Variants in CFAP77 observed in about 807,000 individuals in gnomAD.
CFAP77 encodes the protein cilia- and flagella-associated protein 77.
In CFAP77, 25 loss-of-function variants were observed where a neutral mutation model predicts 31.1. That is an observed-to-expected ratio of 0.80 (90% CI 0.59 to 1.12). The LOEUF (loss-of-function observed/expected upper bound fraction) is 1.12, where lower values mean the gene tolerates loss of function less well. Among genes scored for constraint, CFAP77 ranks in the 50% most tolerant of loss-of-function variants. CFAP77 has a pLI of 0.00. For synonymous variants in CFAP77, 151 were observed against 159.9 expected, an observed-to-expected ratio of 0.94 and a Z score of 0.42; for missense variants, 377 against 397.3, an observed-to-expected ratio of 0.95 and a Z score of 0.44.
At chr9:132,468,495 C>G (rs1327017473) in intron 1 of CFAP77, among the ~76,000 whole-genome samples, 2 of 152,164 alleles carry the variant, frequency 1.3e-5, no homozygotes, top group Non-Finnish European at 2.9e-5. Flanking sequence ...TGCCCTGGGC[C>G]CACCTCGTAC....
intron 1 of CFAP77, among the ~76,000 whole-genome samples, chr9:132,416,099 C>T (rs988428297): frequency 2.0e-5 from 3 of 151,922 alleles, no homozygotes; most frequent in Non-Finnish European, 4.4e-5. Flanking sequence ...TTGGGCTGAG[C>T]GAATCCCTTG....
intron 1 of CFAP77, among the ~76,000 whole-genome samples, chr9:132,482,103 TCA>T (rs1035152523): frequency 4.6e-5 from 7 of 152,122 alleles, no homozygotes; most frequent in African/African-American, 1.4e-4. Flanking sequence ...TTAAAACAGT[TCA>T]GTTTTCCTTT....
Position 132,451,430 on chromosome 9 carries a change from A to G in CFAP77, c.195+40964A>G, listed in dbSNP as rs184245596. ...GTCTTTTAGCGCTGGTGGTTTTAAC[A>G]CTCAAGTGAGGGCCCGGAAGGCCCA... On this transcript the variant is annotated intron_variant, in intron 1 of 5. Coordinates refer to ENST00000393216, the MANE Select transcript of CFAP77 (RefSeq NM_001282957.2). Among the ~76,000 whole-genome samples the G allele has an allele frequency of 2.8e-3, 430 of 152,062 alleles. 6 individuals are homozygous for G. The highest frequency in any genetic ancestry group is 5.4e-3 in the African/African-American group (222 of 41,476).
In CFAP77 at chr9:132,497,100, C is replaced by T. The variant is rs566547196; in HGVS notation, c.196-1595C>T. Among the ~76,000 whole-genome samples the T allele has an allele frequency of 6.7e-6, 1 of 149,294 alleles. No individual in the cohort carries two copies. The highest frequency in any genetic ancestry group is 2.5e-5 in the African/African-American group (1 of 39,550). On this transcript the variant is annotated intron_variant, in intron 1 of 5. Transcript: ENST00000393216. The surrounding 1 kb of genome is among the most constrained non-coding windows in gnomAD (Gnocchi z 4.9). ...GCAATGGAGGTGGCTGGGATGCCTGCGATCCTTCAGATGAGGGGGAGTGGG... is the reference window on the plus strand; with the variant it reads ...GCAATGGAGGTGGCTGGGATGCCTGTGATCCTTCAGATGAGGGGGAGTGGG...
intron 1 of CFAP77, among the ~76,000 whole-genome samples, chr9:132,432,414 G>A (rs1033734626): frequency 3.9e-5 from 6 of 152,102 alleles, no homozygotes; most frequent in African/African-American, 1.2e-4. Context: ...AGCCAGACCC[G>A]TCCATAGATT....
At chr9:132,441,867 G>A (rs1035928687) in intron 1 of CFAP77, among the ~76,000 whole-genome samples, 3 of 152,204 alleles carry the variant, frequency 2.0e-5, no homozygotes, top group Non-Finnish European at 4.4e-5. Flanking sequence ...TGCTGGAGAC[G>A]CAGAGTCTCA....
intron 1 of CFAP77, among the ~76,000 whole-genome samples, chr9:132,491,506 G>A (rs977829019): frequency 3.3e-5 from 5 of 152,172 alleles, no homozygotes; most frequent in East Asian, 3.9e-4. Flanking sequence ...TTATACAAAC[G>A]CACGACTGTG....
chr9:132,465,759 C>T (rs1449104762), intron 1 of CFAP77, among the ~76,000 whole-genome samples: 2 of 152,206 alleles, frequency 1.3e-5, no homozygotes, highest in African/African-American at 4.8e-5. Context: ...CCAAACTCTG[C>T]CTGAGTCCTC....
chr9:132,444,252 G>A (rs1850666703), intron 1 of CFAP77, among the ~76,000 whole-genome samples: 1 of 152,264 alleles, frequency 6.6e-6, no homozygotes, highest in Non-Finnish European at 1.5e-5. Flanking sequence ...AAGGCGCTCA[G>A]ATGGGGTTTT....
chr9:132,520,077 C>T (rs1347474677), intron 3 of CFAP77, among the ~76,000 whole-genome samples: 2 of 148,498 alleles, frequency 1.3e-5, no homozygotes, highest in Non-Finnish European at 3.0e-5. Flanking sequence ...TGTACCATTC[C>T]CCCTCCCCCA....
chr9:132,411,015 A>C (rs1849986349), intron 1 of CFAP77, among the ~76,000 whole-genome samples: 1 of 152,230 alleles, frequency 6.6e-6, no homozygotes, highest in Admixed American at 6.5e-5. Flanking sequence ...GAAAAAAAGC[A>C]TAATCTTTGG....
At chr9:132,458,357 G>GGAGGGT (rs139008147) in intron 1 of CFAP77, among the ~76,000 whole-genome samples, 5 of 119,044 alleles carry the variant, frequency 4.2e-5, no homozygotes, top group African/African-American at 1.3e-4. Context: ...GAGGGGGGGG[G>GGAGGGT]GTGTGTATGG....
rs968868053 is a variant in CFAP77, at chr9:132,511,978, T to C, written c.524+12378T>C. ...CTGAGGCAGGAGAATCACTTGAACC[T>C]GGGAGGCAGAGGTTGCAGTGAGCCA... On this transcript the variant is annotated intron_variant, in intron 3 of 5. Transcript: ENST00000393216. The surrounding 1 kb of genome is among the most constrained non-coding windows in gnomAD (Gnocchi z 5.8). Among the ~76,000 whole-genome samples, 3 of 151,686 alleles carry C rather than the reference T, an allele frequency of 2.0e-5. No individual in the cohort carries two copies. The East Asian group carries it at 5.8e-4, about 29-fold the overall frequency.
chr9:132,512,469 T>A (rs978754595), intron 3 of CFAP77, among the ~76,000 whole-genome samples: 24 of 152,224 alleles, frequency 1.6e-4, no homozygotes, highest in African/African-American at 5.3e-4. Flanking sequence ...TTCAGCCCAC[T>A]CTAATCATCG....
chr9:132,476,447 G>A, intron 1 of CFAP77, among the ~76,000 whole-genome samples: 1 of 152,112 alleles, frequency 6.6e-6, no homozygotes, highest in South Asian at 2.1e-4. Flanking sequence ...GCTGTAATAG[G>A]GGCACACAGG....
chr9:132,520,715 C>T (rs933619091), intron 3 of CFAP77, among the ~76,000 whole-genome samples: 1 of 152,180 alleles, frequency 6.6e-6, no homozygotes, highest in African/African-American at 2.4e-5. Flanking sequence ...CCCCTGCCTC[C>T]AGGAGGATCC....
intron 3 of CFAP77, among the ~76,000 whole-genome samples, chr9:132,523,497 C>T (rs1012251753): frequency 1.3e-5 from 2 of 152,242 alleles, no homozygotes; most frequent in African/African-American, 4.8e-5. Context: ...ATCTCTCTGG[C>T]TCATTACACA....
At chr9:132,532,365 C>G (rs1402304349) in intron 3 of CFAP77, among the ~76,000 whole-genome samples, 1 of 152,234 alleles carries the variant, frequency 6.6e-6, no homozygotes, top group African/African-American at 2.4e-5. Flanking sequence ...AGGAGCCCGG[C>G]AGAGAGCGGA....
chr9:132,467,205 A>G (rs560919617), intron 1 of CFAP77, among the ~76,000 whole-genome samples: 46 of 152,288 alleles, frequency 3.0e-4, no homozygotes, highest in African/African-American at 1.0e-3. Context: ...TAAAATATAC[A>G]TAACAAAATT....
Sources: gnomAD v4.1 joint callset for allele counts (sites outside exome capture counted in the v4.1 genomes callset) on GRCh38, gnomAD v4.1.1 for gene constraint, Gnocchi (gnomAD v3.1) non-coding constraint, MANE v1.5 for transcripts, NCBI Gene and HGNC (gene_info 2026-07-23, HGNC 2026-07-21) for gene names.